The following LYPLAL1 variants were observed in gnomAD, a reference collection of about 807,000 sequenced individuals.
The protein encoded by LYPLAL1 is lysophospholipase like 1, also known as lysophospholipase-like protein 1.
In LYPLAL1, 23 loss-of-function variants were observed where a neutral mutation model predicts 19.7. That is an observed-to-expected ratio of 1.17 (90% CI 0.84 to 1.65). LYPLAL1 has a LOEUF of 1.65. Among genes scored for constraint, LYPLAL1 ranks in the 40% most tolerant of loss-of-function variants. The pLI is 0.00. For synonymous variants in LYPLAL1, 119 were observed against 96.3 expected (o/e 1.24, Z -1.38); for missense variants, 355 against 279.4 (o/e 1.27, Z -1.93).
At chr1:219,425,818 A>G in the LYPLAL1 span, among the ~76,000 whole-genome samples, 15 of 152,210 alleles carry the variant, frequency 9.9e-5, no homozygotes, top group African/African-American at 2.7e-4. Flanking sequence ...GTATGTCATT[A>G]CGCTTGAGCT....
At chr1:219,260,881 C>T in the LYPLAL1 span, among the ~76,000 whole-genome samples, 1 of 151,446 alleles carries the variant, frequency 6.6e-6, no homozygotes, top group African/African-American at 2.4e-5. Flanking sequence ...ATTTTTTATC[C>T]TAATCATTAA....
At chr1:219,224,860 C>T in the LYPLAL1 span, among the ~76,000 whole-genome samples, 4 of 152,100 alleles carry the variant, frequency 2.6e-5, no homozygotes, top group African/African-American at 9.7e-5. Flanking sequence ...TTAATCATTT[C>T]CTTCAGAGTT....
chr1:219,239,446 T>C, the LYPLAL1 span, among the ~76,000 whole-genome samples: 1 of 152,180 alleles, frequency 6.6e-6, no homozygotes. Flanking sequence ...ACCAGAAATA[T>C]GAAGATACTT....
At chr1:219,215,746 G>A (rs556741299), downstream of LYPLAL1, among the ~76,000 whole-genome samples, 22 of 152,218 alleles carry the variant, frequency 1.4e-4, no homozygotes, top group East Asian at 4.3e-3. Context: ...AAGTCAGTAA[G>A]CCAGAGTAGT....
chr1:219,310,950 A>G, the LYPLAL1 span, among the ~76,000 whole-genome samples: 1 of 152,350 alleles, frequency 6.6e-6, no homozygotes, highest in African/African-American at 2.4e-5. Flanking sequence ...AAAAGTGTTG[A>G]TGAAGGTGAA....
chr1:219,421,562 A>G, the LYPLAL1 span, among the ~76,000 whole-genome samples: 5 of 152,344 alleles, frequency 3.3e-5, 1 homozygote, highest in South Asian at 1.0e-3. Context: ...TATTAATTAC[A>G]TAATATTCTG....
chr1:219,247,764 CAT>C, the LYPLAL1 span, among the ~76,000 whole-genome samples: 1 of 152,164 alleles, frequency 6.6e-6, no homozygotes, highest in African/African-American at 2.4e-5. Flanking sequence ...TGGCTTCTGG[CAT>C]ATGAGTTCTT....
the LYPLAL1 span, among the ~76,000 whole-genome samples, chr1:219,302,021 T>A: frequency 6.6e-6 from 1 of 152,114 alleles, no homozygotes; most frequent in Middle Eastern, 3.2e-3. Context: ...GGGGCTCTAA[T>A]TAGAAAAAGG....
chr1:219,389,924 A>G, the LYPLAL1 span, among the ~76,000 whole-genome samples: 874 of 152,312 alleles, frequency 5.7e-3, 5 homozygotes, highest in Middle Eastern at 0.017. Context: ...AAAATTATTG[A>G]ACTAGAAATT....
the LYPLAL1 span, among the ~76,000 whole-genome samples, chr1:219,335,885 A>G: frequency 1.3e-5 from 2 of 151,670 alleles, no homozygotes; most frequent in Non-Finnish European, 2.9e-5. Context: ...AATAAGAAAA[A>G]TATTTGAGCA....
the LYPLAL1 span, among the ~76,000 whole-genome samples, chr1:219,290,525 C>G: frequency 0.14 from 20,591 of 151,988 alleles, 1,457 homozygotes; most frequent in East Asian, 0.24. Flanking sequence ...GAAAAGTAAC[C>G]CTTTATCACA....
the LYPLAL1 span, among the ~76,000 whole-genome samples, chr1:219,390,463 C>T: frequency 1.9e-3 from 296 of 152,274 alleles, 2 homozygotes; most frequent in African/African-American, 6.6e-3. Flanking sequence ...ACAGATTTTC[C>T]ATCTATTCTT....
the LYPLAL1 span, among the ~76,000 whole-genome samples, chr1:219,311,333 T>C: frequency 6.6e-6 from 1 of 152,224 alleles, no homozygotes; most frequent in African/African-American, 2.4e-5. Flanking sequence ...TGTTGGATGC[T>C]GTAATCTACA....
intron 3 of LYPLAL1, chr1:219,199,925 C>A: frequency 4.3e-6 from 1 of 231,336 alleles, no homozygotes; most frequent in Non-Finnish European, 9.2e-6. Flanking sequence ...AGAGAAGGAG[C>A]CATCATCTTT....
chr1:219,248,713 C>T, the LYPLAL1 span, among the ~76,000 whole-genome samples: 1 of 152,036 alleles, frequency 6.6e-6, no homozygotes, highest in African/African-American at 2.4e-5. Flanking sequence ...TGCTTCAGGG[C>T]GTGAAGGCTA....
the LYPLAL1 span, among the ~76,000 whole-genome samples, chr1:219,352,846 A>T: frequency 6.6e-6 from 1 of 152,214 alleles, no homozygotes; most frequent in Non-Finnish European, 1.5e-5. Flanking sequence ...TAGTTAGTCT[A>T]CCATATAATC....
At chr1:219,291,242 A>G in the LYPLAL1 span, among the ~76,000 whole-genome samples, 1 of 152,322 alleles carries the variant, frequency 6.6e-6, no homozygotes, top group Admixed American at 6.5e-5. Context: ...AATTCTCAAT[A>G]TGTTACATAA....
rs201344469 is a variant in LYPLAL1, at chr1:219,179,215, A to G, written c.160A>G (p.Ile54Val). 19 of 1,612,340 alleles carry G rather than the reference A, an allele frequency of 1.2e-5. No individual in the cohort carries two copies. The highest frequency in any genetic ancestry group is 1.3e-5 in the African/African-American group (1 of 74,826). The change falls in exon 2 of 5, where the codon ATA (isoleucine) becomes GTA (valine). Residue 54 changes from isoleucine (I) to valine (V), a missense_variant. Ile to Val is a conservative substitution (Grantham distance 29). Transcript: ENST00000366928. ...VLNQDLTFQH[I>V]KIIYPTAPPR... ...AAATCAAGATTTAACATTCCAACAC[A>G]TAAAAATTATTTATCCAACAGCTCC...
chr1:219,391,644 AT>A, the LYPLAL1 span, among the ~76,000 whole-genome samples: 1 of 152,076 alleles, frequency 6.6e-6, no homozygotes, highest in Admixed American at 6.6e-5. Flanking sequence ...ATTTGAGAAG[AT>A]TTTTTTAAGA....
Sources: gnomAD v4.1 joint callset for allele counts (sites outside exome capture counted in the v4.1 genomes callset) on GRCh38, gnomAD v4.1.1 for gene constraint, MANE v1.5 for transcripts, NCBI Gene and HGNC (gene_info 2026-07-23, HGNC 2026-07-21) for gene names.